The following KHDRBS2 variants were observed in gnomAD, a reference collection of about 807,000 sequenced individuals.
KHDRBS2 encodes the protein KH domain-containing, RNA-binding, signal transduction-associated protein 2.
Under a neutral mutation model 44.3 loss-of-function variants are expected in KHDRBS2, and 26 were observed. The observed-to-expected ratio is 0.59, with a 90% CI of 0.43 to 0.81. The LOEUF is 0.81. KHDRBS2 is among the 40% of genes least tolerant of loss of function. The pLI is 0.00. For missense variants in KHDRBS2, 476 were observed against 433.1 expected (o/e 1.10, Z -0.88); for synonymous variants, 194 against 151.1 (o/e 1.28, Z -2.08).
rs1421599724 is a variant in KHDRBS2, at chr6:61,693,779, A to T, written c.952+3416T>A. On this transcript the variant is annotated intron_variant, in intron 8 of 8. Coordinates refer to ENST00000281156, the MANE Select transcript of KHDRBS2 (RefSeq NM_152688.4). ...AAAGTAAAATGCATTACTTCTCTCT[A>T]GACTTTGCAACAGCAGGAGAACCAG... is the stretch of plus-strand genomic sequence containing the variant. Among the ~76,000 whole-genome samples, 4 of 152,276 alleles carry T rather than the reference A, an allele frequency of 2.6e-5. No homozygotes were observed. In the East Asian group the frequency reaches 7.7e-4, roughly 29 times the overall value.
the KHDRBS2 span, among the ~76,000 whole-genome samples, chr6:61,557,487 G>A: frequency 6.6e-6 from 1 of 152,140 alleles, no homozygotes; most frequent in Non-Finnish European, 1.5e-5. Context: ...ACTTCTGGAA[G>A]CTTTCATTGC....
At chr6:62,269,865 T>C (rs1481844328) in intron 1 of KHDRBS2, among the ~76,000 whole-genome samples, 2 of 152,054 alleles carry the variant, frequency 1.3e-5, no homozygotes, top group Non-Finnish European at 2.9e-5. Context: ...AAATGGTACA[T>C]ATTTGGTCAA....
intron 6 of KHDRBS2, among the ~76,000 whole-genome samples, chr6:61,783,799 C>T (rs1269383636): frequency 1.3e-5 from 2 of 151,738 alleles, no homozygotes; most frequent in Non-Finnish European, 2.9e-5. Flanking sequence ...TAGTCATTAC[C>T]TATATGAGCT....
At chr6:61,956,946 T>G (rs1447991131) in intron 4 of KHDRBS2, among the ~76,000 whole-genome samples, 1 of 106,528 alleles carries the variant, frequency 9.4e-6, no homozygotes, top group Non-Finnish European at 1.9e-5. Context: ...CATCATCTGT[T>G]GTGGGAAGTC....
intron 6 of KHDRBS2, among the ~76,000 whole-genome samples, chr6:61,758,949 T>C (rs1189989554): frequency 2.0e-5 from 3 of 152,100 alleles, no homozygotes; most frequent in African/African-American, 4.8e-5. Context: ...CTCATTTTTA[T>C]GGTAAATGGT....
intron 1 of KHDRBS2, among the ~76,000 whole-genome samples, chr6:62,259,756 A>AT (rs1838024888): frequency 2.0e-5 from 3 of 152,072 alleles, no homozygotes; most frequent in Admixed American, 2.0e-4. Flanking sequence ...CTCCAAGGCA[A>AT]TTTTTTACCC....
At chr6:61,910,489 C>T (rs1273627375) in intron 4 of KHDRBS2, among the ~76,000 whole-genome samples, 7 of 152,092 alleles carry the variant, frequency 4.6e-5, no homozygotes, top group Non-Finnish European at 1.0e-4. Flanking sequence ...ATGTCTGTAC[C>T]TAAACAATGT....
chr6:62,252,061 A>G (rs1378101349), intron 1 of KHDRBS2, among the ~76,000 whole-genome samples: 1 of 151,868 alleles, frequency 6.6e-6, no homozygotes, highest in Non-Finnish European at 1.5e-5. Flanking sequence ...AATAATATTT[A>G]TTGACTAAAT....
At chr6:61,970,008 G>A (rs371367198) in intron 4 of KHDRBS2, among the ~76,000 whole-genome samples, 66 of 151,906 alleles carry the variant, frequency 4.3e-4, no homozygotes, top group Non-Finnish European at 1.6e-4. Flanking sequence ...CAGAGAAAAC[G>A]AAGAAAGGGA....
intron 2 of KHDRBS2, among the ~76,000 whole-genome samples, chr6:62,171,730 T>C (rs1480468243): frequency 6.6e-6 from 1 of 152,160 alleles, no homozygotes; most frequent in African/African-American, 2.4e-5. Context: ...AACAGTCCTA[T>C]CAGCAGTAAC....
intron 6 of KHDRBS2, among the ~76,000 whole-genome samples, chr6:61,865,724 C>T (rs748478571): frequency 6.6e-6 from 1 of 152,196 alleles, no homozygotes; most frequent in African/African-American, 2.4e-5. Flanking sequence ...CTCAAAAGTC[C>T]ACAGTCCAAA....
rs567921542 is a variant in KHDRBS2 at position 62,161,362 on chromosome 6, AAATAT to A, written c.219+15818_219+15822del. ...TAAATTTAAAAAAATTGAAAAAATA[AAATAT>A]AATAATATAAAATAACACAAATAAT... On this transcript the variant is annotated intron_variant, in intron 2 of 8. Coordinates refer to ENST00000281156, the MANE Select transcript of KHDRBS2 (RefSeq NM_152688.4). Among the ~76,000 whole-genome samples, 103 of 151,634 alleles carry A rather than the reference AAATAT, an allele frequency of 6.8e-4. 2 individuals are homozygous for A. The highest frequency in any genetic ancestry group is 3.7e-4 in the Non-Finnish European group (25 of 67,786).
chr6:61,641,248 A>G, the KHDRBS2 span, among the ~76,000 whole-genome samples: 1 of 152,174 alleles, frequency 6.6e-6, no homozygotes, highest in Non-Finnish European at 1.5e-5. Context: ...GGCTTCCTAA[A>G]ATACAGCAGT....
chr6:62,095,024 A>G, intron 2 of KHDRBS2, among the ~76,000 whole-genome samples: 1 of 151,762 alleles, frequency 6.6e-6, no homozygotes, highest in Non-Finnish European at 1.5e-5. Flanking sequence ...TTTTGCTCAG[A>G]ATTGCTTTGG....
intron 2 of KHDRBS2, among the ~76,000 whole-genome samples, chr6:62,158,879 T>C (rs747579959): frequency 6.6e-6 from 1 of 152,120 alleles, no homozygotes; most frequent in Non-Finnish European, 1.5e-5. Flanking sequence ...TTCAAGCTTC[T>C]ATGCAAACTA....
rs374246863 is a variant in KHDRBS2, at chr6:61,994,291, T to C, written c.337-16079A>G. Among the ~76,000 whole-genome samples, 381 of 152,290 alleles carry C rather than the reference T, an allele frequency of 2.5e-3. 2 individuals carry two copies. Among genetic ancestry groups the C allele is most frequent in the African/African-American group, 8.6e-3 (357 of 41,574 alleles). The stretch of plus-strand genomic sequence containing the variant: ...AGACTCCCTTTGACCAGAATAGGCA[T>C]TGGGATAGAACTCACCTCTAAAAGA... On this transcript the variant is annotated intron_variant, in intron 3 of 8. Coordinates refer to ENST00000281156, the MANE Select transcript of KHDRBS2 (RefSeq NM_152688.4).
At chr6:61,956,551 G>A (rs1767373547) in intron 4 of KHDRBS2, among the ~76,000 whole-genome samples, 1 of 152,118 alleles carries the variant, frequency 6.6e-6, no homozygotes, top group South Asian at 2.1e-4. Context: ...GAGCACTCAG[G>A]AAACAAATCA....
chr6:62,138,498 ATGT>A (rs1284980725), intron 2 of KHDRBS2, among the ~76,000 whole-genome samples: 7 of 152,356 alleles, frequency 4.6e-5, no homozygotes, highest in African/African-American at 1.7e-4. Context: ...TTAACTAAAA[ATGT>A]TGTCTTTTAT....
chr6:62,063,904 C>A (rs1336351217), intron 2 of KHDRBS2, among the ~76,000 whole-genome samples: 1 of 138,284 alleles, frequency 7.2e-6, no homozygotes, highest in Non-Finnish European at 1.6e-5. Flanking sequence ...CCAAAATCTC[C>A]TTAAGCTGAT....
Sources: gnomAD v4.1 joint callset for allele counts (sites outside exome capture counted in the v4.1 genomes callset) on GRCh38, gnomAD v4.1.1 for gene constraint, MANE v1.5 for transcripts, NCBI Gene and HGNC (gene_info 2026-07-23, HGNC 2026-07-21) for gene names.